Variants in TMEM232 observed in about 807,000 individuals in gnomAD.
TMEM232 encodes transmembrane protein 232.
A neutral mutation model predicts 78.8 loss-of-function variants in TMEM232; 80 were observed. That is an observed-to-expected ratio of 1.01 (90% CI 0.85 to 1.22). The LOEUF (loss-of-function observed/expected upper bound fraction) is 1.22, where lower values mean the gene tolerates loss of function less well. TMEM232 is among the 50% of genes most tolerant of loss of function. The probability of loss-of-function intolerance (pLI) is 0.00; values close to 1 mark genes in which losing one functional copy is unlikely to be tolerated. For synonymous variants in TMEM232, 297 were observed against 254.3 expected (o/e 1.17, Z -1.60); for missense variants, 881 against 742.2 (o/e 1.19, Z -2.17).
chr5:110,427,814 G>T (rs1757407994), intron 12 of TMEM232, among the ~76,000 whole-genome samples: 2 of 151,716 alleles, frequency 1.3e-5, no homozygotes, highest in African/African-American at 4.8e-5. Flanking sequence ...GTCTTCTACT[G>T]TTCTTTTTCA....
At position 110,419,821 on chromosome 5, in the gene TMEM232, A is replaced by G. The variant is rs181146833; in HGVS notation, c.*759T>C. 6.6e-5 allele frequency among the ~76,000 whole-genome samples: 10 copies of G among 152,176 alleles called. No individual in the cohort carries two copies. The East Asian group carries it at 1.9e-3, about 29-fold the overall frequency. On this transcript the variant is annotated 3_prime_UTR_variant, in exon 14 of 14. Coordinates refer to ENST00000455884, the MANE Select transcript of TMEM232 (RefSeq NM_001039763.4). ...TAAGACATCACAAAAACTCCACCCT[A>G]TTACTCTTACTCATAGGTTCAGAAC...
At chr5:110,519,293 A>G (rs183252849) in intron 12 of TMEM232, among the ~76,000 whole-genome samples, 3 of 152,350 alleles carry the variant, frequency 2.0e-5, no homozygotes, top group Admixed American at 1.3e-4. Context: ...CTGAATATCA[A>G]TCTTGTCAAC....
At chr5:110,478,470 T>C (rs1384766777) in intron 12 of TMEM232, among the ~76,000 whole-genome samples, 1 of 151,928 alleles carries the variant, frequency 6.6e-6, no homozygotes, top group Non-Finnish European at 1.5e-5. Flanking sequence ...CACAACTTCA[T>C]CTGAAATGTC....
chr5:110,652,292 G>GCACACACACACACA (rs1437198025), intron 2 of TMEM232, among the ~76,000 whole-genome samples: 4 of 5,008 alleles, frequency 8.0e-4, no homozygotes, highest in Non-Finnish European at 1.2e-3. Context: ...GTGCACGCGC[G>GCACACACACACACA]CGCACACACA....
chr5:110,503,799 G>T (rs186643536), intron 12 of TMEM232, among the ~76,000 whole-genome samples: 4 of 152,232 alleles, frequency 2.6e-5, no homozygotes, highest in Non-Finnish European at 2.9e-5. Context: ...CTTACCTTCT[G>T]CTTTAAAAAC....
intron 1 of TMEM232, among the ~76,000 whole-genome samples, chr5:110,706,845 T>C (rs183461506): frequency 1.1e-4 from 16 of 152,108 alleles, no homozygotes; most frequent in African/African-American, 3.6e-4. Context: ...TACAGTAGCT[T>C]TTGCATTCTC....
chr5:110,428,692 A>G (rs1305378519), intron 12 of TMEM232, among the ~76,000 whole-genome samples: 3 of 150,208 alleles, frequency 2.0e-5, no homozygotes, highest in Non-Finnish European at 4.4e-5. Context: ...TCTCTCCTCC[A>G]CTGCAATAGT....
At chr5:110,542,800 C>T (rs889431319) in intron 11 of TMEM232, among the ~76,000 whole-genome samples, 3 of 152,124 alleles carry the variant, frequency 2.0e-5, no homozygotes, top group African/African-American at 4.8e-5. Context: ...CCCTTTGCAA[C>T]CCCCCTCGCT....
At chr5:110,536,953 C>T (rs1772438150) in intron 11 of TMEM232, among the ~76,000 whole-genome samples, 1 of 152,148 alleles carries the variant, frequency 6.6e-6, no homozygotes, top group Non-Finnish European at 1.5e-5. Context: ...GTGGAGGGAA[C>T]CATTCCAAAG....
intron 1 of TMEM232, among the ~76,000 whole-genome samples, chr5:110,695,624 C>T (rs1794677793): frequency 6.6e-6 from 1 of 152,078 alleles, no homozygotes; most frequent in Admixed American, 6.6e-5. Flanking sequence ...AGGGGTAACA[C>T]CACCGATCCC....
At chr5:110,409,580 C>G (rs925356764) in intron 2 of TMEM232, among the ~76,000 whole-genome samples, 17 of 152,308 alleles carry the variant, frequency 1.1e-4, no homozygotes, top group African/African-American at 4.1e-4. Flanking sequence ...CTAGTTTTCT[C>G]TTTCTGAAAG....
At chr5:110,457,456 T>C (rs1761027105) in intron 12 of TMEM232, among the ~76,000 whole-genome samples, 1 of 152,150 alleles carries the variant, frequency 6.6e-6, no homozygotes, top group Non-Finnish European at 1.5e-5. Context: ...TTTGGTTATT[T>C]TTTATACACA....
chr5:110,641,512 C>T (rs1786716273), intron 3 of TMEM232, among the ~76,000 whole-genome samples: 1 of 152,120 alleles, frequency 6.6e-6, no homozygotes, highest in Admixed American at 6.6e-5. Context: ...GAAAAGTTCA[C>T]TGATGAATGC....
chr5:110,678,331 T>C (rs1792296858), intron 1 of TMEM232, among the ~76,000 whole-genome samples: 1 of 151,992 alleles, frequency 6.6e-6, no homozygotes, highest in African/African-American at 2.4e-5. Flanking sequence ...TCCCAAAACA[T>C]TGGGATTACA....
chr5:110,717,795 T>A (rs1401405131), intron 1 of TMEM232, among the ~76,000 whole-genome samples: 1 of 152,126 alleles, frequency 6.6e-6, no homozygotes, highest in Non-Finnish European at 1.5e-5. Flanking sequence ...CTCTTCTCTC[T>A]CCTGACACCA....
intron 12 of TMEM232, among the ~76,000 whole-genome samples, chr5:110,476,935 G>A (rs1273667016): frequency 1.3e-5 from 2 of 151,988 alleles, no homozygotes; most frequent in Non-Finnish European, 2.9e-5. Flanking sequence ...CGTAGATGGT[G>A]TTTAGAAACA....
chr5:110,667,424 G>T, intron 1 of TMEM232, 60 bp from the exon 2 acceptor site: 1 of 1,275,988 alleles, frequency 7.8e-7, no homozygotes, highest in Non-Finnish European at 1.0e-6. Flanking sequence ...CAAACAACAT[G>T]TTATGCAAAT....
intron 12 of TMEM232, among the ~76,000 whole-genome samples, chr5:110,477,880 G>A (rs921407731): frequency 6.6e-6 from 1 of 151,762 alleles, no homozygotes; most frequent in Non-Finnish European, 1.5e-5. Flanking sequence ...CCTTTGGCTT[G>A]GTATTTTATG....
chr5:110,728,107 A>G (rs910407794), upstream of TMEM232, among the ~76,000 whole-genome samples: 1 of 152,144 alleles, frequency 6.6e-6, no homozygotes, highest in East Asian at 1.9e-4. Flanking sequence ...ATTCTTCTCC[A>G]TAATATAAGA....
Sources: gnomAD v4.1 joint callset for allele counts (sites outside exome capture counted in the v4.1 genomes callset) on GRCh38, gnomAD v4.1.1 for gene constraint, MANE v1.5 for transcripts, NCBI Gene and HGNC (gene_info 2026-07-23, HGNC 2026-07-21) for gene names.